Variants in KLRG1 observed in about 807,000 individuals in gnomAD.
KLRG1 encodes the protein killer cell lectin like receptor G1, also known as killer cell lectin-like receptor subfamily G member 1.
In KLRG1, 16 loss-of-function variants were observed where a neutral mutation model predicts 21.8. That is an observed-to-expected ratio of 0.73 (90% confidence interval 0.50 to 1.11). The LOEUF (loss-of-function observed/expected upper bound fraction) is 1.11, where lower values mean the gene tolerates loss of function less well. KLRG1 is among the 50% of genes most tolerant of loss of function. The pLI, the probability that KLRG1 is intolerant of heterozygous loss-of-function variation, is 0.00. For missense variants in KLRG1, 173 were observed against 218.3 expected (o/e 0.79, Z 1.31); for synonymous variants, 69 against 75.9 (o/e 0.91, Z 0.47).
At chr12:9,069,095 T>C in the KLRG1 span, 3 of 296,150 alleles carry the variant, frequency 1.0e-5, no homozygotes, top group Non-Finnish European at 1.9e-5. Context: ...GTAAATGATA[T>C]ATACTTTTTA....
the KLRG1 span, chr12:9,111,669 G>A: frequency 2.6e-6 from 1 of 387,500 alleles, no homozygotes; most frequent in East Asian, 7.2e-5. Flanking sequence ...AAGTTAATTT[G>A]GGAGAGAAAA....
At chr12:9,050,309 G>A in the KLRG1 span, among the ~76,000 whole-genome samples, 1 of 152,216 alleles carries the variant, frequency 6.6e-6, no homozygotes, top group Admixed American at 6.5e-5. Flanking sequence ...TCTCACACTA[G>A]CTCTGCCACT....
At chr12:8,978,915 A>C (rs1023966041) in intron 1 of KLRG1, among the ~76,000 whole-genome samples, 1 of 151,514 alleles carries the variant, frequency 6.6e-6, no homozygotes, top group South Asian at 2.1e-4. Flanking sequence ...GGGTTTCACC[A>C]TGTTGACCAG....
chr12:9,161,750 G>A, the KLRG1 span, among the ~76,000 whole-genome samples: 1 of 152,130 alleles, frequency 6.6e-6, no homozygotes, highest in Non-Finnish European at 1.5e-5. Context: ...TGTGGACATA[G>A]AACTAATAAT....
At chr12:8,991,019 A>G (rs1186438421) in intron 1 of KLRG1, among the ~76,000 whole-genome samples, 1 of 152,154 alleles carries the variant, frequency 6.6e-6, no homozygotes, top group Non-Finnish European at 1.5e-5. Flanking sequence ...TTCTTTAAGA[A>G]GTTCAGAATA....
At chr12:9,108,497 T>C in the KLRG1 span, among the ~76,000 whole-genome samples, 4 of 152,200 alleles carry the variant, frequency 2.6e-5, no homozygotes, top group African/African-American at 4.8e-5. Flanking sequence ...TCCAAGTGCA[T>C]TTGTCTCCTT....
the KLRG1 span, among the ~76,000 whole-genome samples, chr12:9,123,987 G>A: frequency 6.6e-6 from 1 of 151,898 alleles, no homozygotes; most frequent in Non-Finnish European, 1.5e-5. Flanking sequence ...GAAAAAAAAA[G>A]TGCAGCTCCC....
the KLRG1 span, chr12:9,164,301 T>C: frequency 3.8e-6 from 6 of 1,597,234 alleles, no homozygotes; most frequent in East Asian, 1.3e-4. Context: ...GATCAGAATA[T>C]GGAACGACAC....
At chr12:9,051,087 C>T in the KLRG1 span, among the ~76,000 whole-genome samples, 1 of 152,210 alleles carries the variant, frequency 6.6e-6, no homozygotes, top group Non-Finnish European at 1.5e-5. Flanking sequence ...CTCTTCCTGC[C>T]CACCCATGGT....
At chr12:9,133,778 G>A in the KLRG1 span, among the ~76,000 whole-genome samples, 1 of 152,196 alleles carries the variant, frequency 6.6e-6, no homozygotes, top group Non-Finnish European at 1.5e-5. Flanking sequence ...GGAAAAGTAT[G>A]AGGCAAGAGA....
At chr12:9,099,556 A>C in the KLRG1 span, 5 of 1,587,986 alleles carry the variant, frequency 3.1e-6, no homozygotes, top group African/African-American at 6.7e-5. Context: ...GGAAGCCATC[A>C]TAGGTTAATG....
the KLRG1 span, among the ~76,000 whole-genome samples, chr12:9,034,776 C>A: frequency 6.6e-6 from 1 of 152,166 alleles, no homozygotes; most frequent in South Asian, 2.1e-4. Context: ...TTTTAGAGTA[C>A]ATTCTTTATA....
In KLRG1 at chr12:9,009,859, A is replaced by T; in HGVS notation, c.*322A>T. 2 of 1,473,042 alleles carry T rather than the reference A, an allele frequency of 1.4e-6. No individual in the cohort carries two copies. The highest frequency in any genetic ancestry group is 2.8e-5 in the African/African-American group (2 of 70,620). 91.2% of individuals were successfully genotyped at this position (1,473,042 alleles called of 1,614,324 possible). ...TCCCAACCATCTCTGTCAAAAATATACCTTTTTCATATGATATTCTGAGCT... is the reference window on the plus strand; with the variant it reads ...TCCCAACCATCTCTGTCAAAAATATTCCTTTTTCATATGATATTCTGAGCT... On this transcript the variant is annotated 3_prime_UTR_variant, in exon 5 of 5. Transcript: ENST00000356986.
the KLRG1 span, among the ~76,000 whole-genome samples, chr12:9,097,892 C>CAA: frequency 3.0e-3 from 452 of 152,270 alleles, 2 homozygotes; most frequent in African/African-American, 0.01. Flanking sequence ...CTTGGCCTCC[C>CAA]AGTGTTGGGA....
chr12:9,160,893 C>T, the KLRG1 span: 9 of 739,300 alleles, frequency 1.2e-5, no homozygotes, highest in Admixed American at 1.2e-4. Flanking sequence ...CCAGCCTGGG[C>T]GACAGAGCGA....
At chr12:9,068,774 T>G in the KLRG1 span, 1 of 1,608,976 alleles carries the variant, frequency 6.2e-7, no homozygotes, top group Non-Finnish European at 8.5e-7. Context: ...TCACTATGGC[T>G]GGTTTCAGAT....
the KLRG1 span, among the ~76,000 whole-genome samples, chr12:9,056,792 A>G: frequency 6.6e-6 from 1 of 152,116 alleles, no homozygotes; most frequent in African/African-American, 2.4e-5. Context: ...GCTTTAAGAG[A>G]TCATTCTGCC....
chr12:9,001,660 A>T (rs1488516749), intron 3 of KLRG1, among the ~76,000 whole-genome samples: 1 of 152,064 alleles, frequency 6.6e-6, no homozygotes, highest in African/African-American at 2.4e-5. Context: ...AGCCCTCTGT[A>T]ACTTCCCCTA....
At chr12:9,207,963 A>G in the KLRG1 span, among the ~76,000 whole-genome samples, 1 of 152,220 alleles carries the variant, frequency 6.6e-6, no homozygotes, top group African/African-American at 2.4e-5. Context: ...ATATCTCTAT[A>G]TTCAGTGCCT....
Sources: gnomAD v4.1 joint callset for allele counts (sites outside exome capture counted in the v4.1 genomes callset) on GRCh38, gnomAD v4.1.1 for gene constraint, MANE v1.5 for transcripts, NCBI Gene and HGNC (gene_info 2026-07-23, HGNC 2026-07-21) for gene names.